Variants in CPVL observed in about 807,000 individuals in gnomAD.
The protein encoded by CPVL is probable serine carboxypeptidase CPVL.
In CPVL, 51 loss-of-function variants were observed where a neutral mutation model predicts 63.7. The ratio of observed to expected loss-of-function variants is 0.80; its 90% CI spans 0.64 to 1.01. The LOEUF (loss-of-function observed/expected upper bound fraction) is 1.01, where lower values mean the gene tolerates loss of function less well. Ranked by LOEUF, CPVL falls within the 50% of genes least tolerant of loss-of-function variation. CPVL has a pLI of 0.00. For missense variants in CPVL, 530 were observed against 573.1 expected (o/e 0.92, Z 0.77); for synonymous variants, 195 against 206.0 (o/e 0.95, Z 0.46).
intron 1 of CPVL, among the ~76,000 whole-genome samples, chr7:29,129,174 G>C (rs979331859): frequency 6.6e-6 from 1 of 152,182 alleles, no homozygotes; most frequent in Non-Finnish European, 1.5e-5. Context: ...TAACCCAAGA[G>C]ATATGACAAA....
At chr7:29,104,516 C>A (rs1204664971) in intron 3 of CPVL, among the ~76,000 whole-genome samples, 1 of 152,200 alleles carries the variant, frequency 6.6e-6, no homozygotes, top group African/African-American at 2.4e-5. Flanking sequence ...CTGCTTTGGC[C>A]TCCCAACGTA....
rs551101291 is a variant in CPVL, at chr7:29,059,804, T to C, written c.1137+4257A>G. 7.2e-5 allele frequency among the ~76,000 whole-genome samples: 11 copies of C among 152,284 alleles called. No individual in the cohort carries two copies. In the South Asian group the frequency reaches 2.3e-3, roughly 32 times the overall value. ...GCCTCTAGTAATTTACCAATTACTG[T>C]TCAGGTTTCCCTTCCTCACCATTTG... On this transcript the variant is annotated intron_variant, in intron 11 of 12. Coordinates refer to ENST00000265394, the MANE Select transcript of CPVL (RefSeq NM_031311.5).
chr7:29,146,686 A>G, upstream of CPVL: 4 of 1,550,676 alleles, frequency 2.6e-6, no homozygotes, highest in South Asian at 4.8e-5. Flanking sequence ...TGGAAGAAGC[A>G]AGCAGCCCCA....
intron 1 of CPVL, among the ~76,000 whole-genome samples, chr7:29,143,766 G>GC (rs1274728690): frequency 6.6e-6 from 1 of 152,218 alleles, no homozygotes; most frequent in African/African-American, 2.4e-5. Flanking sequence ...CTAAGAATTT[G>GC]CTTTTTCAGG....
chr7:29,071,879 AG>A lies in CPVL; in HGVS notation c.757del (p.Leu253CysfsTer23). 2.5e-6 allele frequency: 4 copies of A among 1,614,182 alleles called. No homozygotes were observed. Among genetic ancestry groups the A allele is most frequent in the Non-Finnish European group, 3.4e-6 (4 of 1,180,000 alleles). On this transcript the variant is annotated frameshift_variant, in exon 9 of 13. Transcript: ENST00000265394. LOFTEE classifies it high-confidence loss of function. ...CTCATCCAACAAGCCAATTTGGTAC[AG>A]GAATTCTGCATAGCCCCCTATAATC... ...ESIIGGYAEFLYQIGLLDEKQ... is the reference protein window; with the variant it reads ...ESIIGGYAEFXYQIGLLDEKQ...
At chr7:29,107,799 T>C (rs1787868870) in intron 3 of CPVL, among the ~76,000 whole-genome samples, 1 of 152,196 alleles carries the variant, frequency 6.6e-6, no homozygotes, top group African/African-American at 2.4e-5. Flanking sequence ...ACATTAACTG[T>C]GTTACTGGAG....
At chr7:29,116,275 G>C (rs1788772168) in intron 2 of CPVL, among the ~76,000 whole-genome samples, 1 of 152,098 alleles carries the variant, frequency 6.6e-6, no homozygotes, top group Non-Finnish European at 1.5e-5. Context: ...GTTTTGCCCT[G>C]TTTCAAATTT....
chr7:29,146,575 T>G, upstream of CPVL: 1 of 1,548,154 alleles, frequency 6.5e-7, no homozygotes, highest in Non-Finnish European at 8.7e-7. Context: ...AGCGCTCCTC[T>G]AGGCTCACAT....
intron 11 of CPVL, among the ~76,000 whole-genome samples, chr7:29,055,494 G>A (rs113579103): frequency 3.3e-5 from 5 of 152,124 alleles, no homozygotes; most frequent in African/African-American, 1.2e-4. Flanking sequence ...CAGGTCATGT[G>A]CCCACCTCAG....
At chr7:29,173,711 G>T (rs1796900979) in intron 5 of CPVL, among the ~76,000 whole-genome samples, 1 of 151,650 alleles carries the variant, frequency 6.6e-6, no homozygotes, top group Non-Finnish European at 1.5e-5. Context: ...GGCAGGCTGA[G>T]GCGGGCAGAT....
chr7:29,134,897 C>T (rs1181898387), intron 1 of CPVL, among the ~76,000 whole-genome samples: 1 of 151,894 alleles, frequency 6.6e-6, no homozygotes, highest in Non-Finnish European at 1.5e-5. Context: ...CCCAGGAGTT[C>T]GAGACCAGCC....
At chr7:29,115,967 G>GT (rs1788737603) in intron 2 of CPVL, among the ~76,000 whole-genome samples, 1 of 152,134 alleles carries the variant, frequency 6.6e-6, no homozygotes, top group African/African-American at 2.4e-5. Context: ...TTTTACTTGA[G>GT]TATGTTTCAG....
intron 1 of CPVL, chr7:29,194,960 T>C: frequency 6.3e-7 from 1 of 1,583,838 alleles, no homozygotes; most frequent in East Asian, 2.4e-5. Flanking sequence ...GTCCAGCAAC[T>C]CCAGCCTGTC....
chr7:29,000,878 A>C (rs1236819682), intron 12 of CPVL: 1 of 152,144 alleles, frequency 6.6e-6, no homozygotes. Flanking sequence ...GCAACCATTA[A>C]TCTGCTTTCT....
At chr7:29,083,237 G>A (rs1245804417) in intron 7 of CPVL, among the ~76,000 whole-genome samples, 1 of 152,214 alleles carries the variant, frequency 6.6e-6, no homozygotes, top group African/African-American at 2.4e-5. Context: ...CGCTGAAGGT[G>A]GACATTGCAG....
At chr7:29,123,618 AAAAAAAAAAAATATATATATATATAT>A (rs1789622136) in intron 1 of CPVL, among the ~76,000 whole-genome samples, 1 of 90,024 alleles carries the variant, frequency 1.1e-5, no homozygotes, top group African/African-American at 6.3e-5. Context: ...AAAAAAAAAA[AAAAAAAAAAAATATATATATATATAT>A]ATATATATAT....
intron 4 of CPVL, among the ~76,000 whole-genome samples, chr7:29,182,007 T>C (rs1381743389): frequency 6.6e-6 from 1 of 152,218 alleles, no homozygotes; most frequent in African/African-American, 2.4e-5. Flanking sequence ...ATAACATAAA[T>C]GCTGTAAATG....
At chr7:29,182,403 G>A (rs1008414520) in intron 4 of CPVL, among the ~76,000 whole-genome samples, 1 of 152,212 alleles carries the variant, frequency 6.6e-6, no homozygotes, top group Admixed American at 6.5e-5. Flanking sequence ...GACACATAGA[G>A]TGTAGCAGAA....
intron 8 of CPVL, 109 bp downstream of exon 8, chr7:29,072,192 T>C (rs1783814510): frequency 8.9e-6 from 11 of 1,232,056 alleles, no homozygotes; most frequent in African/African-American, 6.1e-5. Flanking sequence ...TAAAGTCAAC[T>C]GGTGTTTCCC....
Sources: gnomAD v4.1 joint callset for allele counts (sites outside exome capture counted in the v4.1 genomes callset) on GRCh38, gnomAD v4.1.1 for gene constraint, MANE v1.5 for transcripts, NCBI Gene and HGNC (gene_info 2026-07-23, HGNC 2026-07-21) for gene names.